CD109: variants seen among roughly 807,000 people sequenced by gnomAD.
CD109 encodes the protein CD109 antigen.
CD109 carries 149 observed loss-of-function variants against 165.8 expected under a neutral mutation model. The observed-to-expected ratio is 0.90, with a 90% CI of 0.79 to 1.03. The LOEUF (loss-of-function observed/expected upper bound fraction) is 1.03. Among genes scored for constraint, CD109 ranks in the 50% least tolerant of loss-of-function variants. The pLI, the probability that CD109 is intolerant of heterozygous loss-of-function variation, is 0.00. For synonymous variants in CD109, 585 were observed against 592.1 expected, an observed-to-expected ratio of 0.99 and a Z score of 0.18; for missense variants, 1,712 against 1,677.8, an observed-to-expected ratio of 1.02 and a Z score of -0.36.
chr6:73,696,359 G>A (rs1210196768), intron 1 of CD109, 70 bp downstream of exon 1: 21 of 1,263,074 alleles, frequency 1.7e-5, no homozygotes, highest in African/African-American at 4.8e-5. Flanking sequence ...CTGGGCCAGG[G>A]CTTCGGGGAG....
intron 21 of CD109, among the ~76,000 whole-genome samples, chr6:73,787,995 ATCT>A (rs896805913): frequency 1.2e-4 from 18 of 152,134 alleles, no homozygotes; most frequent in Admixed American, 4.6e-4. Flanking sequence ...TTACATTTTC[ATCT>A]TCTTCTTTGT....
At chr6:73,718,480 A>AT (rs144953691) in intron 2 of CD109, among the ~76,000 whole-genome samples, 1 of 151,858 alleles carries the variant, frequency 6.6e-6, no homozygotes, top group Admixed American at 6.6e-5. Context: ...ATTTTATCAA[A>AT]TTTTTTTAAA....
At chr6:73,784,543 A>C (rs1331768622) in intron 19 of CD109, among the ~76,000 whole-genome samples, 9 of 152,300 alleles carry the variant, frequency 5.9e-5, no homozygotes, top group African/African-American at 2.2e-4. Context: ...TCACCCACTA[A>C]CTACCTATAG....
At chr6:73,689,233 C>A in the CD109 span, among the ~76,000 whole-genome samples, 3 of 152,092 alleles carry the variant, frequency 2.0e-5, no homozygotes, top group Non-Finnish European at 4.4e-5. Context: ...TTAACCAAAC[C>A]CAAGGATGGG....
At chr6:73,751,855 T>C (rs1170203073) in intron 5 of CD109, among the ~76,000 whole-genome samples, 1 of 152,220 alleles carries the variant, frequency 6.6e-6, no homozygotes, top group Non-Finnish European at 1.5e-5. Context: ...TCTTGACCTT[T>C]CCACCTTGGT....
intron 5 of CD109, among the ~76,000 whole-genome samples, chr6:73,753,870 A>G (rs1045942530): frequency 6.6e-6 from 1 of 152,184 alleles, no homozygotes; most frequent in African/African-American, 2.4e-5. Context: ...CACTGTAGGA[A>G]CCAGACTGGG....
Position 73,785,400 on chromosome 6 carries a change from C to G in CD109, c.2260C>G (p.Leu754Val), listed in dbSNP as rs1562066803. ...CCAACCATTTTTCATTTTTTTGAAT[C>G]TTCCCTACTCTGTTATCAGAGGTGA... Reference protein sequence around the residue: ...AFQPFFIFLNLPYSVIRGEEF... With the variant: ...AFQPFFIFLNVPYSVIRGEEF... The change falls in exon 20 of 33, where the codon CTT (leucine) becomes GTT (valine). Residue 754 changes from leucine (L) to valine (V), a missense_variant. Coordinates refer to ENST00000287097, the MANE Select transcript of CD109 (RefSeq NM_133493.5). 6.2e-7 allele frequency: 1 copy of G among 1,606,640 alleles called. No homozygotes were observed. The highest frequency in any genetic ancestry group is 1.1e-5 in the South Asian group (1 of 89,328).
chr6:73,741,481 G>A (rs989633604), intron 5 of CD109, among the ~76,000 whole-genome samples: 2 of 152,184 alleles, frequency 1.3e-5, no homozygotes, highest in African/African-American at 4.8e-5. Flanking sequence ...TAAGTTGAGT[G>A]TGGGAATATG....
chr6:73,723,211 A>G (rs376196947), intron 2 of CD109, 40 bp from the exon 3 acceptor site: 9 of 1,611,158 alleles, frequency 5.6e-6, no homozygotes, highest in Admixed American at 1.7e-5. Context: ...ATCATATTCA[A>G]ATTGTGCTAA....
chr6:73,773,196 A>G (rs1774110652), intron 15 of CD109, among the ~76,000 whole-genome samples: 1 of 150,434 alleles, frequency 6.6e-6, no homozygotes, highest in Non-Finnish European at 1.5e-5. Context: ...TGTGTTATAT[A>G]TATATTTACA....
At chr6:73,682,557 G>T in the CD109 span, among the ~76,000 whole-genome samples, 1 of 152,226 alleles carries the variant, frequency 6.6e-6, no homozygotes, top group Non-Finnish European at 1.5e-5. Flanking sequence ...CACAGTGCAA[G>T]CTGTGGGTGG....
In CD109 at chr6:73,783,745, A is replaced by C. The variant is rs1301398617; in HGVS notation, c.2144A>C (p.Asp715Ala). 1 of 1,612,968 alleles carries C rather than the reference A, an allele frequency of 6.2e-7. No homozygotes were observed. Among genetic ancestry groups the C allele is most frequent in the East Asian group, 2.2e-5 (1 of 44,818 alleles). Residue 715 changes from aspartate (D) to alanine (A), a missense_variant, in exon 19 of 33, where the codon GAT becomes GCT. Physicochemically the swap from Asp to Ala is moderately radical, Grantham distance 126. Coordinates refer to ENST00000287097, the MANE Select transcript of CD109 (RefSeq NM_133493.5). ...CAAGAATTTGAAGTAACTGTACCTGATTCTATCACTTCTTGGGTGGCTACT... is the reference window on the plus strand; with the variant it reads ...CAAGAATTTGAAGTAACTGTACCTGCTTCTATCACTTCTTGGGTGGCTACT... ...IYQEFEVTVPDSITSWVATGF... is the reference protein window; with the variant it reads ...IYQEFEVTVPASITSWVATGF...
Position 73,788,484 on chromosome 6 carries a change from AATC to A in CD109, c.2576_2578del (p.Ser859del), listed in dbSNP as rs750130634. 24 of 1,609,718 alleles carry A rather than the reference AATC, an allele frequency of 1.5e-5. No homozygotes were observed. The South Asian group carries it at 2.3e-4, about 16-fold the overall frequency. On this transcript the variant is annotated inframe_deletion, in exon 22 of 33. Coordinates refer to ENST00000287097, the MANE Select transcript of CD109 (RefSeq NM_133493.5). ...TTTCAACAGGCTGAAGGAATAGAAA[AATC>A]ATATTCACAATCCATCTTATTAGAC...
upstream of CD109, among the ~76,000 whole-genome samples, chr6:73,692,532 T>C (rs1770708164): frequency 6.6e-6 from 1 of 152,134 alleles, no homozygotes; most frequent in African/African-American, 2.4e-5. Context: ...AGATCTGTAA[T>C]GTCTATGTAC....
rs1392899421 is a variant in CD109, at chr6:73,827,217, T to A, written c.*3584T>A. On this transcript the variant is annotated 3_prime_UTR_variant, in exon 33 of 33. Coordinates refer to ENST00000287097, the MANE Select transcript of CD109 (RefSeq NM_133493.5). The stretch of plus-strand genomic sequence containing the variant: ...CCTATGAGGGTAGTTATTATTTGAG[T>A]CTGCCAAGTGGTTACCATGGGGCAA... The A allele has an allele frequency of 6.6e-6, 1 of 152,226 alleles. No homozygotes were observed. The highest frequency in any genetic ancestry group is 1.5e-5 in the Non-Finnish European group (1 of 68,046). The allele number at this position is 152,226 out of a possible 1,614,324, so 9.4% of individuals were successfully genotyped here. A position where few individuals can be genotyped will look rare whatever the true frequency, so the allele number is the denominator to read the frequency against.
chr6:73,802,590 CAGTT>C (rs1562078581), intron 23 of CD109, among the ~76,000 whole-genome samples: 1 of 151,648 alleles, frequency 6.6e-6, no homozygotes, highest in Non-Finnish European at 1.5e-5. Context: ...GAACACTAGA[CAGTT>C]AAATAAAAGT....
chr6:73,803,374 T>C, intron 24 of CD109, 73 bp downstream of exon 24: 1 of 1,037,554 alleles, frequency 9.6e-7, no homozygotes, highest in African/African-American at 1.6e-5. Context: ...AGCCACGAAA[T>C]TGACAGATAT....
rs756336791 is a variant in CD109 at position 73,766,724 on chromosome 6, A to G, written c.1333-35A>G. 21 of 1,451,312 alleles carry G rather than the reference A, an allele frequency of 1.4e-5. No homozygotes were observed. In the South Asian group the frequency reaches 2.2e-4, roughly 15 times the overall value. The allele number at this position is 1,451,312 out of a possible 1,614,324, so 89.9% of individuals were successfully genotyped here. ...ATCTTTTCTCAAGGTGTTACTAAAG[A>G]TGAACATTTACAGCTCCTTTTTCTT... On this transcript the variant is annotated intron_variant, in intron 11 of 32. Coordinates refer to ENST00000287097, the MANE Select transcript of CD109 (RefSeq NM_133493.5).
At chr6:73,717,786 A>AT (rs1329335043) in intron 2 of CD109, among the ~76,000 whole-genome samples, 3 of 151,114 alleles carry the variant, frequency 2.0e-5, no homozygotes, top group Non-Finnish European at 4.4e-5. Context: ...CGCCCGGCTA[A>AT]TTTTTTGTAT....
Sources: allele counts gnomAD v4.1 joint callset (sites outside exome capture counted in the v4.1 genomes callset), GRCh38; gene constraint gnomAD v4.1.1; transcripts MANE v1.5; gene names NCBI Gene and HGNC (gene_info 2026-07-23, HGNC 2026-07-21).